CARD14: variants seen among roughly 807,000 people sequenced by gnomAD.
CARD14 encodes caspase recruitment domain family member 14, also known as caspase recruitment domain-containing protein 14.
CARD14 carries 107 observed loss-of-function variants against 111.5 expected under a neutral mutation model. The observed-to-expected ratio is 0.96, with a 90% CI of 0.82 to 1.13. The LOEUF is 1.13. Among genes scored for constraint, CARD14 ranks in the 50% most tolerant of loss-of-function variants. The pLI is 0.00. For missense variants in CARD14, 1,322 were observed against 1,362.3 expected, an observed-to-expected ratio of 0.97 and a Z score of 0.47; for synonymous variants, 617 against 579.6, an observed-to-expected ratio of 1.06 and a Z score of -0.93.
chr17:80,182,706 C>G lies in CARD14; in HGVS notation c.265C>G (p.Leu89Val). 6.2e-7 allele frequency: 1 copy of G among 1,614,184 alleles called. No individual in the cohort carries two copies. The highest frequency in any genetic ancestry group is 8.5e-7 in the Non-Finnish European group (1 of 1,180,026). Residue 89 changes from leucine to valine, a missense_variant, in exon 6 of 24, where the codon CTG (leucine) becomes GTG (valine). By Grantham distance (32) the Leu-to-Val change is conservative. Transcript: ENST00000648509. The surrounding 1 kb of genome is among the most constrained non-coding windows in gnomAD (Gnocchi z 4.7). ...TRGKNGAIAFLESLKFHNPDV... is the reference protein window; with the variant it reads ...TRGKNGAIAFVESLKFHNPDV... ...AGGGAAGAACGGGGCCATCGCCTTC[C>G]TGGAGAGCCTGAAGTTCCACAACCC... is the stretch of plus-strand genomic sequence containing the variant.
Position 80,205,083 on chromosome 17 carries a change from A to G in CARD14, c.2447A>G (p.Tyr816Cys). The G allele has an allele frequency of 6.2e-7, 1 of 1,612,732 alleles. No individual in the cohort carries two copies. The change falls in exon 21 of 24, where the codon TAT (tyrosine) becomes TGT (cysteine). Residue 816 changes from tyrosine (Y) to cysteine (C), a missense_variant. Transcript: ENST00000648509. ...WAESCLTLVP[Y>C]TLVRPHRPAR... ...GAGAGCTGCCTCACCCTGGTGCCCT[A>G]TACCCTGGTGCGGCCCCATCGACCC...
rs773812580 is a variant in CARD14, at chr17:80,202,378, T to C, written c.2177T>C (p.Met726Thr). 3.7e-6 allele frequency: 6 copies of C among 1,613,184 alleles called. No individual in the cohort carries two copies. The highest frequency in any genetic ancestry group is 4.2e-6 in the Non-Finnish European group (5 of 1,179,998). ...GCCCACCGCGTGAACTCTTACACCA[T>C]GAAGGATACTGCCGCGCACGGCACC... ...WHAHRVNSYT[M>T]KDTAAHGTIP... is the part of the protein sequence containing the mutation. Residue 726 changes from methionine (M) to threonine (T), a missense_variant, in exon 18 of 24, where the codon ATG becomes ACG. Physicochemically the swap from Met to Thr is moderately conservative, Grantham distance 81. Transcript: ENST00000648509.
chr17:80,174,132 G>A (rs2039971951), intron 2 of CARD14, among the ~76,000 whole-genome samples: 1 of 152,136 alleles, frequency 6.6e-6, no homozygotes, highest in African/African-American at 2.4e-5. Context: ...GAGCCCAGGA[G>A]TTTGAGAGCC....
At chr17:80,190,671 A>G in intron 9 of CARD14, 103 bp from the exon 10 acceptor site, 3 of 1,344,088 alleles carry the variant, frequency 2.2e-6, no homozygotes, top group Non-Finnish European at 3.1e-6. Context: ...TTTCATCCCT[A>G]GAACTGTCTC....
intron 2 of CARD14, among the ~76,000 whole-genome samples, chr17:80,178,266 C>T (rs1044924533): frequency 3.9e-5 from 6 of 152,160 alleles, no homozygotes; most frequent in African/African-American, 1.2e-4. Context: ...TGTCAACTCT[C>T]CTTGGTAGTC....
At position 80,190,748 on chromosome 17, in the gene CARD14, C is replaced by T. The variant is rs373033714; in HGVS notation, c.964-26C>T. 485 of 1,612,656 alleles carry T rather than the reference C, an allele frequency of 3.0e-4. 3 individuals carry two copies. In the Middle Eastern group the frequency reaches 5.3e-3, roughly 18 times the overall value. ...AGACCCTCAGAGCTGCTGAGCTTCA[C>T]GGTCCATGTGTCCCACTCTGTCCAG... On this transcript the variant is annotated intron_variant, in intron 9 of 23. Transcript: ENST00000648509.
intron 2 of CARD14, 119 bp downstream of exon 2, chr17:80,173,347 G>A (rs981438261): frequency 6.6e-6 from 1 of 151,010 alleles, no homozygotes; most frequent in Non-Finnish European, 1.5e-5. Context: ...CGCGCGGAAT[G>A]ACAGGACAGA....
intron 12 of CARD14, among the ~76,000 whole-genome samples, chr17:80,194,583 A>G (rs1051108653): frequency 6.6e-6 from 1 of 152,218 alleles, no homozygotes; most frequent in African/African-American, 2.4e-5. Context: ...GGTAATTTAC[A>G]AAGAAAGAAG....
At chr17:80,207,148 AC>A in intron 23 of CARD14, 63 bp downstream of exon 23, 2 of 1,193,012 alleles carry the variant, frequency 1.7e-6, no homozygotes, top group Non-Finnish European at 2.5e-6. Context: ...CCCAAAGCCC[AC>A]GGCAGGTGCC....
chr17:80,200,229 ATTTTTT>A (rs373332962), intron 16 of CARD14, among the ~76,000 whole-genome samples: 21 of 74,430 alleles, frequency 2.8e-4, no homozygotes, highest in African/African-American at 8.9e-4. Context: ...TTTACATGTC[ATTTTTT>A]TTTTTTTTTT....
intron 9 of CARD14, 132 bp from the exon 10 acceptor site, chr17:80,190,642 C>A (rs564479916): frequency 2.3e-6 from 2 of 887,888 alleles, no homozygotes; most frequent in South Asian, 2.4e-5. Context: ...GAGAGAGAGA[C>A]GAGTGAGAAT....
At position 80,198,845 on chromosome 17, in the gene CARD14, C is replaced by CCTTG. The variant is rs1291935203; in HGVS notation, c.1851+255_1851+258dup. ...TGACCAGGGGTCTTTGCATGAGGCC[C>CCTTG]CTTGACAGGGCTGCTCTGGGTGGTC... On this transcript the variant is annotated intron_variant, in intron 16 of 23. Coordinates refer to ENST00000648509, the MANE Select transcript of CARD14 (RefSeq NM_001366385.1). This position sits in a 1 kb window ranked among gnomAD's most constrained non-coding sequence, Gnocchi z 7.5. The CCTTG allele has an allele frequency of 2.7e-6, 4 of 1,456,846 alleles. No individual in the cohort carries two copies. The Admixed American group carries it at 9.8e-5, about 36-fold the overall frequency. 90.2% of individuals were successfully genotyped at this position (1,456,846 alleles called of 1,614,324 possible). A position where few individuals can be genotyped will look rare whatever the true frequency, so the allele number is the denominator to read the frequency against.
In CARD14 at chr17:80,188,603, G is replaced by A; in HGVS notation, c.843+59G>A. 1 of 1,385,408 alleles carries A rather than the reference G, an allele frequency of 7.2e-7. No individual in the cohort carries two copies. Among genetic ancestry groups the A allele is most frequent in the Non-Finnish European group, 9.4e-7 (1 of 1,063,432 alleles). The allele number at this position is 1,385,408 out of a possible 1,614,324, so 85.8% of individuals were successfully genotyped here. ...CCTGCCTTGGGGGCTTGGCCCTCAG[G>A]CTGTGGGGTTTCTGACAGGTGGTTT... On this transcript the variant is annotated intron_variant, in intron 8 of 23. Coordinates refer to ENST00000648509, the MANE Select transcript of CARD14 (RefSeq NM_001366385.1). The surrounding 1 kb of genome is among the most constrained non-coding windows in gnomAD (Gnocchi z 4.5).
At chr17:80,207,962 C>G (rs1447806640) in intron 23 of CARD14, among the ~76,000 whole-genome samples, 176 bp from the exon 24 acceptor site, 1 of 152,172 alleles carries the variant, frequency 6.6e-6, no homozygotes, top group South Asian at 2.1e-4. Flanking sequence ...AGGCTGTGTT[C>G]TAGACAACCT....
At position 80,206,144 on chromosome 17, in the gene CARD14, A is replaced by G. The variant is rs187069190; in HGVS notation, c.2691+492A>G. Among the ~76,000 whole-genome samples the G allele has an allele frequency of 1.2e-4, 19 of 152,240 alleles. No homozygotes were observed. In the East Asian group the frequency reaches 2.1e-3, roughly 17 times the overall value. ...AATCAAAGGGATGGAAACTCTTAAT[A>G]CTGCATAGCACACAGCCTCATTTAG... On this transcript the variant is annotated intron_variant, in intron 22 of 23. Transcript: ENST00000648509.
intron 23 of CARD14, 27 bp downstream of exon 23, chr17:80,207,112 G>A: frequency 6.4e-7 from 1 of 1,560,916 alleles, no homozygotes; most frequent in Non-Finnish European, 8.8e-7. Flanking sequence ...GGCTGGGCAG[G>A]GGCTTCGAAG....
At chr17:80,171,474 T>G (rs1169477014) in intron 1 of CARD14, among the ~76,000 whole-genome samples, 1 of 151,940 alleles carries the variant, frequency 6.6e-6, no homozygotes, top group Non-Finnish European at 1.5e-5. Flanking sequence ...TGAGCCACTG[T>G]GCCCAGCCCT....
chr17:80,177,546 T>C (rs2040055551), intron 2 of CARD14, among the ~76,000 whole-genome samples: 2 of 151,968 alleles, frequency 1.3e-5, no homozygotes, highest in African/African-American at 4.8e-5. Context: ...AAATAAAGAA[T>C]TAGCTGGGCA....
rs1016902404 is a variant in CARD14 at position 80,198,703 on chromosome 17, G to C, written c.1851+112G>C. 4 of 1,594,296 alleles carry C rather than the reference G, an allele frequency of 2.5e-6. No homozygotes were observed. The African/African-American group carries it at 5.4e-5, about 21-fold the overall frequency. The stretch of plus-strand genomic sequence containing the variant: ...CCCCAGACGATGCAGATCCACTCTG[G>C]GCTGGGCCTCTGCTCTTTCCTGGGC... On this transcript the variant is annotated intron_variant, in intron 16 of 23. Transcript: ENST00000648509. This position sits in a 1 kb window ranked among gnomAD's most constrained non-coding sequence, Gnocchi z 7.5.
Sources: gnomAD v4.1 joint callset for allele counts (sites outside exome capture counted in the v4.1 genomes callset) on GRCh38, gnomAD v4.1.1 for gene constraint, Gnocchi (gnomAD v3.1) non-coding constraint, MANE v1.5 for transcripts, NCBI Gene and HGNC (gene_info 2026-07-23, HGNC 2026-07-21) for gene names.